The following NPSR1 variants were observed in gnomAD, a reference collection of about 807,000 sequenced individuals.
NPSR1 encodes the protein neuropeptide S receptor.
In NPSR1, 48 loss-of-function variants were observed where a neutral mutation model predicts 46.9. That is an observed-to-expected ratio of 1.02 (90% CI 0.81 to 1.30). The LOEUF is 1.30. NPSR1 is among the 50% of genes most tolerant of loss of function. The probability of loss-of-function intolerance (pLI) is 0.00; values close to 1 mark genes in which losing one functional copy is unlikely to be tolerated. For missense variants in NPSR1, 450 were observed against 449.5 expected, an observed-to-expected ratio of 1.00 and a Z score of -0.01; for synonymous variants, 176 against 168.1, an observed-to-expected ratio of 1.05 and a Z score of -0.36.
chr7:34,703,815 T>C (rs1344292745), intron 2 of NPSR1: 1 of 136,062 alleles, frequency 7.3e-6, no homozygotes, highest in Admixed American at 7.0e-5. Flanking sequence ...AATTATTCAT[T>C]TACCATCTTT....
chr7:34,705,888 CT>C (rs1295948565), intron 2 of NPSR1, among the ~76,000 whole-genome samples: 1 of 150,992 alleles, frequency 6.6e-6, no homozygotes, highest in East Asian at 1.9e-4. Context: ...TTCTTGGTTC[CT>C]GTGTTTCGAC....
chr7:34,670,190 A>G (rs1791977631), intron 1 of NPSR1, among the ~76,000 whole-genome samples: 1 of 152,230 alleles, frequency 6.6e-6, no homozygotes, highest in Non-Finnish European at 1.5e-5. Flanking sequence ...ATGGGGAAGA[A>G]AGATGTTTCC....
At chr7:34,752,641 TG>T (rs1165249412) in intron 2 of NPSR1, among the ~76,000 whole-genome samples, 1 of 152,188 alleles carries the variant, frequency 6.6e-6, no homozygotes, top group Non-Finnish European at 1.5e-5. Context: ...ACTAGATGTT[TG>T]GGGGAAGGGG....
chr7:34,737,152 C>A (rs756812908), intron 2 of NPSR1, among the ~76,000 whole-genome samples: 20 of 152,104 alleles, frequency 1.3e-4, no homozygotes, highest in Non-Finnish European at 2.6e-4. Flanking sequence ...GCATTCATAT[C>A]CCCTGCCTCT....
intron 4 of NPSR1, among the ~76,000 whole-genome samples, chr7:34,823,417 C>CAAAAAAAAAAAAA (rs79081202): frequency 4.8e-5 from 5 of 103,954 alleles, no homozygotes; most frequent in African/African-American, 1.7e-4. Context: ...AAAAAAAAAA[C>CAAAAAAAAAAAAA]AACACCATAA....
At chr7:34,803,511 G>C (rs1246761771) in intron 3 of NPSR1, among the ~76,000 whole-genome samples, 1 of 151,834 alleles carries the variant, frequency 6.6e-6, no homozygotes, top group Non-Finnish European at 1.5e-5. Flanking sequence ...GGTGGGAATT[G>C]GACAATGAGA....
At position 34,700,139 on chromosome 7, in the gene NPSR1, A is replaced by G. The variant is rs142374274; in HGVS notation, c.280+15455A>G. 3.9e-5 allele frequency among the ~76,000 whole-genome samples: 6 copies of G among 152,352 alleles called. No individual in the cohort carries two copies. In the East Asian group the frequency reaches 9.7e-4, roughly 25 times the overall value. On this transcript the variant is annotated intron_variant, in intron 2 of 8. Transcript: ENST00000360581. The stretch of plus-strand genomic sequence containing the variant: ...GCAAACCAAGGAAGGTCAGAAAGAC[A>G]TAGAGACAGTGGAAGCTCAAGGAAC...
At chr7:34,696,968 G>A (rs1364815999) in intron 2 of NPSR1, among the ~76,000 whole-genome samples, 1 of 151,976 alleles carries the variant, frequency 6.6e-6, no homozygotes, top group African/African-American at 2.4e-5. Flanking sequence ...TGTATTTTAT[G>A]CTTCAGGAGT....
chr7:34,688,504 GCACACAAAGAACTCCCTTTC>G (rs1793055173), intron 2 of NPSR1, among the ~76,000 whole-genome samples: 1 of 152,174 alleles, frequency 6.6e-6, no homozygotes, highest in Admixed American at 6.5e-5. Context: ...TGGAGCTTGA[GCACACAAAGAACTCCCTTTC>G]CACACAAAGA....
intron 3 of NPSR1, among the ~76,000 whole-genome samples, chr7:34,804,237 T>G (rs1376734729): frequency 6.6e-6 from 1 of 152,078 alleles, no homozygotes; most frequent in African/African-American, 2.4e-5. Context: ...ATATCCCTCA[T>G]GAACATAAAT....
At chr7:34,763,030 T>C (rs73693308) in intron 2 of NPSR1, among the ~76,000 whole-genome samples, 47 of 152,314 alleles carry the variant, frequency 3.1e-4, no homozygotes, top group African/African-American at 9.6e-4. Context: ...CTAGTGACCT[T>C]TGTGTTTTAA....
intron 2 of NPSR1, among the ~76,000 whole-genome samples, chr7:34,774,505 C>T (rs1786852363): frequency 6.6e-6 from 1 of 152,158 alleles, no homozygotes; most frequent in Non-Finnish European, 1.5e-5. Flanking sequence ...TGGTCAGTTC[C>T]AAATACATTT....
chr7:34,796,109 A>G (rs1788159244), intron 3 of NPSR1, among the ~76,000 whole-genome samples: 1 of 152,170 alleles, frequency 6.6e-6, no homozygotes, highest in Non-Finnish European at 1.5e-5. Context: ...AATATAGTCA[A>G]CCAATATTTA....
In NPSR1 at chr7:34,686,495, A is replaced by C. The variant is rs912153461; in HGVS notation, c.280+1811A>C. On this transcript the variant is annotated intron_variant, in intron 2 of 8. Transcript: ENST00000360581. ...TGCATATAGAAGTTACCCAGGCATCAACTGAGGGGCCCTGTGCTTTGAGAC... is the reference window on the plus strand; with the variant it reads ...TGCATATAGAAGTTACCCAGGCATCCACTGAGGGGCCCTGTGCTTTGAGAC... Among the ~76,000 whole-genome samples the C allele has an allele frequency of 3.3e-5, 5 of 152,260 alleles. No individual in the cohort carries two copies. The South Asian group carries it at 1.0e-3, about 32-fold the overall frequency.
rs540179473 is a variant in NPSR1 at position 34,790,886 on chromosome 7, T to C, written c.384+12321T>C. Among the ~76,000 whole-genome samples the C allele has an allele frequency of 2.9e-4, 36 of 122,664 alleles. 1 individual carries two copies. The highest frequency in any genetic ancestry group is 4.3e-4 in the Non-Finnish European group (27 of 63,228). 80.5% of individuals were successfully genotyped at this position (122,664 alleles called of 152,430 possible). A position where few individuals can be genotyped will look rare whatever the true frequency, so the allele number is the denominator to read the frequency against. ...TATATATGTTATATGTTATATTATA[T>C]ATCATATATGTTATATGTTATATTA... On this transcript the variant is annotated intron_variant, in intron 3 of 8. Coordinates refer to ENST00000360581, the MANE Select transcript of NPSR1 (RefSeq NM_207172.2).
chr7:34,834,139 T>A, intron 5 of NPSR1: 1 of 525,874 alleles, frequency 1.9e-6, no homozygotes, highest in East Asian at 3.1e-5. Flanking sequence ...TGGGCTACCT[T>A]GAGGAAACTG....
chr7:34,824,308 G>A (rs1199195979), intron 4 of NPSR1, among the ~76,000 whole-genome samples: 1 of 152,214 alleles, frequency 6.6e-6, no homozygotes. Context: ...CTAAGCGGCA[G>A]AGAAGTACAG....
At chr7:34,824,968 GT>G (rs953737602) in intron 4 of NPSR1, among the ~76,000 whole-genome samples, 2 of 151,912 alleles carry the variant, frequency 1.3e-5, no homozygotes, top group Non-Finnish European at 2.9e-5. Flanking sequence ...TCCACGCCTG[GT>G]TTTTCTCTGT....
chr7:34,792,689 G>GTGTATATATATATT (rs1787966100), intron 3 of NPSR1, among the ~76,000 whole-genome samples: 1 of 74,338 alleles, frequency 1.3e-5, no homozygotes, highest in Non-Finnish European at 2.7e-5. Flanking sequence ...ATATATATAT[G>GTGTATATATATATT]TATATATATA....
Sources: allele counts gnomAD v4.1 joint callset (sites outside exome capture counted in the v4.1 genomes callset), GRCh38; gene constraint gnomAD v4.1.1; transcripts MANE v1.5; gene names NCBI Gene and HGNC (gene_info 2026-07-23, HGNC 2026-07-21).